Variants in PCDHGB2 observed in about 807,000 individuals in gnomAD.
PCDHGB2 encodes the protein protocadherin gamma-B2.
A neutral mutation model predicts 59.3 loss-of-function variants in PCDHGB2; 55 were observed. That is an observed-to-expected ratio of 0.93 (90% CI 0.75 to 1.16). PCDHGB2 has a LOEUF of 1.16. Ranked by LOEUF, PCDHGB2 falls within the 50% of genes most tolerant of loss-of-function variation. PCDHGB2 has a pLI of 0.00. For missense variants in PCDHGB2, 1,228 were observed against 1,198.5 expected, an observed-to-expected ratio of 1.02 and a Z score of -0.36; for synonymous variants, 516 against 512.0, an observed-to-expected ratio of 1.01 and a Z score of -0.11.
intron 1 of PCDHGB2, chr5:141,415,156 A>T: frequency 6.2e-7 from 1 of 1,613,798 alleles, no homozygotes. Flanking sequence ...TCTCTCCGCC[A>T]CTGTCACGCT....
chr5:141,472,980 C>CAAAAAAAAAAAAAAAAAGAAAAAAAA (rs2099309731), intron 1 of PCDHGB2, among the ~76,000 whole-genome samples: 1 of 86,100 alleles, frequency 1.2e-5, no homozygotes, highest in African/African-American at 3.9e-5. Flanking sequence ...GAGTGAAACT[C>CAAAAAAAAAAAAAAAAAGAAAAAAAA]AAAAAAAAAA....
At position 141,387,415 on chromosome 5, in the gene PCDHGB2, A is replaced by C. The variant is rs111350375; in HGVS notation, c.2421+24859A>C. Among the ~76,000 whole-genome samples the C allele has an allele frequency of 1.1e-3, 175 of 152,362 alleles. 1 individual carries two copies. Among genetic ancestry groups the C allele is most frequent in the Admixed American group, 4.9e-3 (75 of 15,312 alleles). ...CATGTTTGAAGATTGGGGAAAGCTT[A>C]TGTCAATAAATGTTTATGTACTTAA... On this transcript the variant is annotated intron_variant, in intron 1 of 3. Coordinates refer to ENST00000522605, the MANE Select transcript of PCDHGB2 (RefSeq NM_018923.3).
chr5:141,496,342 G>A (rs1430202202), intron 2 of PCDHGB2, among the ~76,000 whole-genome samples: 1 of 152,208 alleles, frequency 6.6e-6, no homozygotes, highest in East Asian at 1.9e-4. Context: ...GAGCCTGGAG[G>A]AGTCTCAGAG....
intron 1 of PCDHGB2, chr5:141,388,760 G>T: frequency 6.2e-7 from 1 of 1,613,930 alleles, no homozygotes; most frequent in Non-Finnish European, 8.5e-7. Flanking sequence ...AATTTGACCT[G>T]AACTCTAACA....
intron 1 of PCDHGB2, among the ~76,000 whole-genome samples, chr5:141,450,829 A>ATTTT (rs373424450): frequency 2.2e-4 from 30 of 135,142 alleles, no homozygotes; most frequent in African/African-American, 6.3e-4. Flanking sequence ...TATTATTATT[A>ATTTT]TTTTTTTTTT....
At chr5:141,507,862 G>A (rs17286954) in intron 3 of PCDHGB2, among the ~76,000 whole-genome samples, 4 of 152,076 alleles carry the variant, frequency 2.6e-5, no homozygotes, top group African/African-American at 7.2e-5. Flanking sequence ...TTTCACACCC[G>A]CTTCCTAGCC....
intron 2 of PCDHGB2, among the ~76,000 whole-genome samples, chr5:141,502,865 T>C (rs538731947): frequency 3.0e-5 from 4 of 131,428 alleles, no homozygotes; most frequent in Non-Finnish European, 6.3e-5. Context: ...TGACTCTCTG[T>C]CTTTTTTTTT....
chr5:141,370,896 C>A, intron 1 of PCDHGB2: 1 of 1,614,040 alleles, frequency 6.2e-7, no homozygotes. Context: ...CAATTCGCTG[C>A]AGCAGTACTA....
At chr5:141,388,715 T>A (rs2091466126) in intron 1 of PCDHGB2, 1 of 1,613,878 alleles carries the variant, frequency 6.2e-7, no homozygotes, top group Non-Finnish European at 8.5e-7. Flanking sequence ...ATGCCGAGAT[T>A]ACTTTCTCTT....
In PCDHGB2 at chr5:141,487,153, T is replaced by C; in HGVS notation, c.2422-7654T>C. The stretch of plus-strand genomic sequence containing the variant: ...GTCCACCACTCTCTACCTCTGTTAC[T>C]CTCTTAGTGTCCTTAGAGGAAGACA... On this transcript the variant is annotated intron_variant, in intron 1 of 3. Coordinates refer to ENST00000522605, the MANE Select transcript of PCDHGB2 (RefSeq NM_018923.3). This position sits in a 1 kb window ranked among gnomAD's most constrained non-coding sequence, Gnocchi z 5.0. 3 of 1,613,954 alleles carry C rather than the reference T, an allele frequency of 1.9e-6. No individual in the cohort carries two copies. Among genetic ancestry groups the C allele is most frequent in the Non-Finnish European group, 2.5e-6 (3 of 1,179,838 alleles).
Position 141,360,308 on chromosome 5 carries a change from T to C in PCDHGB2, c.173T>C (p.Val58Ala). 1.2e-6 allele frequency: 2 copies of C among 1,613,902 alleles called. No homozygotes were observed. The highest frequency in any genetic ancestry group is 1.7e-6 in the Non-Finnish European group (2 of 1,179,868). ...GNLAKDLGLS[V>A]RDLPARKLRV... is the part of the protein sequence containing the mutation. ...CTCGCCAAGGATCTGGGGCTCAGCG[T>C]CCGGGACTTGCCAGCCCGGAAGCTG... The change falls in exon 1 of 4, where the codon GTC (valine) becomes GCC (alanine). Residue 58 changes from valine (V) to alanine (A), a missense_variant. Physicochemically the swap from Val to Ala is moderately conservative, Grantham distance 64. Around this residue, in one of 3 missense-constraint regions of PCDHGB2, gnomAD observed 781 missense variants for 721.6 expected, o/e 1.08. Transcript: ENST00000522605.
In PCDHGB2 at chr5:141,485,848, C is replaced by A; in HGVS notation, c.2422-8959C>A. The stretch of plus-strand genomic sequence containing the variant: ...GAGGGAACCCGCCGAGATCTGGCAC[C>A]GCAGAGCTCCGGGTATCCGTGCTGG... On this transcript the variant is annotated intron_variant, in intron 1 of 3. Transcript: ENST00000522605. This position sits in a 1 kb window ranked among gnomAD's most constrained non-coding sequence, Gnocchi z 5.7. 1 of 1,614,192 alleles carries A rather than the reference C, an allele frequency of 6.2e-7. No homozygotes were observed. The highest frequency in any genetic ancestry group is 8.5e-7 in the Non-Finnish European group (1 of 1,180,020).
In PCDHGB2 at chr5:141,412,148, C is replaced by T. The variant is rs183538712; in HGVS notation, c.2421+49592C>T. ...GGACTTTGGCCTCTGATACAAACTG[C>T]CTAAGAGAAGAGATTATTTATACTG... On this transcript the variant is annotated intron_variant, in intron 1 of 3. Coordinates refer to ENST00000522605, the MANE Select transcript of PCDHGB2 (RefSeq NM_018923.3). The T allele has an allele frequency of 3.1e-4, 47 of 152,220 alleles. 2 individuals carry two copies. The highest frequency in any genetic ancestry group is 1.1e-3 in the African/African-American group (45 of 41,552). The allele number at this position is 152,220 out of a possible 1,614,324, so 9.4% of individuals were successfully genotyped here.
intron 1 of PCDHGB2, among the ~76,000 whole-genome samples, chr5:141,444,256 C>T (rs1445343718): frequency 2.1e-5 from 3 of 146,298 alleles, no homozygotes; most frequent in African/African-American, 5.1e-5. Context: ...ACTGCAACCT[C>T]CGCCTCCCAG....
intron 1 of PCDHGB2, chr5:141,399,630 G>A: frequency 1.9e-6 from 3 of 1,613,874 alleles, no homozygotes; most frequent in Non-Finnish European, 1.7e-6. Flanking sequence ...CCTCTTACGT[G>A]TCCATGAGCG....
chr5:141,376,609 C>A, intron 1 of PCDHGB2: 3 of 1,478,318 alleles, frequency 2.0e-6, no homozygotes, highest in Non-Finnish European at 2.8e-6. Flanking sequence ...AGAAGCGAAC[C>A]TCTTTTGGTA....
chr5:141,361,404 A>G lies in PCDHGB2; in HGVS notation c.1269A>G (p.Thr423=). The G allele has an allele frequency of 6.2e-7, 1 of 1,614,050 alleles. No individual in the cohort carries two copies. The highest frequency in any genetic ancestry group is 2.2e-5 in the East Asian group (1 of 44,880). Residue 423 remains threonine, a synonymous_variant, in exon 1 of 4, where the codon ACA becomes ACG. Transcript: ENST00000522605. ...TCCCAGAATACAATCTCACCATCAC[A>G]GCCACCGACGGGGGCAAGCCGCCCC... ...EEIPEYNLTI[T]ATDGGKPPLS...
intron 3 of PCDHGB2, among the ~76,000 whole-genome samples, chr5:141,507,582 T>G (rs1221383898): frequency 6.6e-6 from 1 of 152,264 alleles, no homozygotes; most frequent in Non-Finnish European, 1.5e-5. Flanking sequence ...AGATGCCAAG[T>G]TGGCCTCTTG....
In PCDHGB2 at chr5:141,502,866, CT is replaced by C. The variant is rs549047197; in HGVS notation, c.2481-2513del. Among the ~76,000 whole-genome samples the C allele has an allele frequency of 2.5e-3, 324 of 127,930 alleles. 1 individual carries two copies. Among genetic ancestry groups the C allele is most frequent in the Non-Finnish European group, 3.0e-3 (189 of 62,366 alleles). 83.9% of individuals were successfully genotyped at this position (127,930 alleles called of 152,430 possible). On this transcript the variant is annotated intron_variant, in intron 2 of 3. Transcript: ENST00000522605. ...GAGCTGCCTAACCCTGACTCTCTGT[CT>C]TTTTTTTTTTTTTGACAGGGAGTCT...
Sources: allele counts gnomAD v4.1 joint callset (sites outside exome capture counted in the v4.1 genomes callset), GRCh38; gene constraint gnomAD v4.1.1; regional missense constraint gnomAD v4.1.1; non-coding constraint Gnocchi (gnomAD v3.1); transcripts MANE v1.5; gene names NCBI Gene and HGNC (gene_info 2026-07-23, HGNC 2026-07-21).